CACNA1D: variants seen among roughly 807,000 people sequenced by gnomAD.
The protein encoded by CACNA1D is voltage-dependent L-type calcium channel subunit alpha-1D.
Under a neutral mutation model 257.1 loss-of-function variants are expected in CACNA1D, and 55 were observed. The ratio of observed to expected loss-of-function variants is 0.21; its 90% CI spans 0.17 to 0.27. The LOEUF (loss-of-function observed/expected upper bound fraction) is 0.27. Among genes scored for constraint, CACNA1D ranks in the 10% least tolerant of loss-of-function variants. The pLI, the probability that CACNA1D is intolerant of heterozygous loss-of-function variation, is 1.00. For synonymous variants in CACNA1D, 980 were observed against 1,014.9 expected, an observed-to-expected ratio of 0.97 and a Z score of 0.65; for missense variants, 1,876 against 2,784.0, an observed-to-expected ratio of 0.67 and a Z score of 7.34.
chr3:53,745,875 G>A lies in CACNA1D; in HGVS notation c.3167G>A (p.Arg1056Lys), dbSNP rs2095163699. The A allele has an allele frequency of 1.2e-6, 2 of 1,612,466 alleles. No individual in the cohort carries two copies. The highest frequency in any genetic ancestry group is 1.7e-6 in the Non-Finnish European group (2 of 1,178,470). Residue 1056 changes from arginine to lysine, a missense_variant and splice_region_variant, in exon 25 of 48, where the codon AGG becomes AAG. Arg to Lys is a conservative substitution (Grantham distance 26, BLOSUM62 2). Transcript: ENST00000350061. ...DEAKSNPEECRGLFILYKDGD... is the reference protein window; with the variant it reads ...DEAKSNPEECKGLFILYKDGD... ...GCCAAAAGTAACCCTGAAGAATGCAGGTGAGCGTCCTGAGAGTGGAGTAGG... is the reference window on the plus strand; with the variant it reads ...GCCAAAAGTAACCCTGAAGAATGCAAGTGAGCGTCCTGAGAGTGGAGTAGG...
intron 3 of CACNA1D, among the ~76,000 whole-genome samples, chr3:53,638,238 TAG>T (rs1362118938): frequency 6.6e-6 from 1 of 152,124 alleles, no homozygotes. Flanking sequence ...TAGCAAACCA[TAG>T]AGAGTTTTTC....
At chr3:53,758,196 A>G (rs2095277947) in intron 29 of CACNA1D, among the ~76,000 whole-genome samples, 1 of 152,180 alleles carries the variant, frequency 6.6e-6, no homozygotes, top group Non-Finnish European at 1.5e-5. Flanking sequence ...ACCTTTGGAA[A>G]GGCTTTTGCT....
chr3:53,692,942 C>T (rs2094541286), intron 8 of CACNA1D, among the ~76,000 whole-genome samples: 1 of 152,126 alleles, frequency 6.6e-6, no homozygotes, highest in South Asian at 2.1e-4. Flanking sequence ...CCTGTAATTC[C>T]AGCTGCTTGG....
chr3:53,634,423 G>T (rs998636338), intron 3 of CACNA1D, among the ~76,000 whole-genome samples: 2 of 152,190 alleles, frequency 1.3e-5, no homozygotes, highest in African/African-American at 2.4e-5. Context: ...TTCCATGGTT[G>T]TGATTTCAAG....
intron 3 of CACNA1D, among the ~76,000 whole-genome samples, chr3:53,523,177 G>T (rs917194323): frequency 1.3e-5 from 2 of 152,202 alleles, no homozygotes; most frequent in African/African-American, 4.8e-5. Context: ...GTGAAGTGGG[G>T]CAAGAGGCAG....
chr3:53,775,766 A>C, intron 34 of CACNA1D, 120 bp from the exon 35 acceptor site: 1 of 978,110 alleles, frequency 1.0e-6, no homozygotes, highest in South Asian at 1.3e-5. Context: ...ATTAATTCAA[A>C]TTGGATTTTC....
At position 53,661,254 on chromosome 3, in the gene CACNA1D, AT is replaced by A. The variant is rs371057898; in HGVS notation, c.766+985del. ...AAGCCATCAGAAGAACACAGATCAC[AT>A]TTTTTGCCTCTCCAGAAGTTCTTCA... On this transcript the variant is annotated intron_variant, in intron 5 of 47. Transcript: ENST00000350061. 3.0e-4 allele frequency among the ~76,000 whole-genome samples: 46 copies of A among 152,214 alleles called. 3 individuals carry two copies. In the East Asian group the frequency reaches 4.4e-3, roughly 15 times the overall value.
chr3:53,538,537 G>A (rs2092200572), intron 3 of CACNA1D, among the ~76,000 whole-genome samples: 1 of 152,126 alleles, frequency 6.6e-6, no homozygotes, highest in Non-Finnish European at 1.5e-5. Context: ...ATTTTTAAAA[G>A]TATGATATAT....
intron 7 of CACNA1D, among the ~76,000 whole-genome samples, chr3:53,671,415 A>G (rs1029520872): frequency 1.3e-5 from 2 of 152,238 alleles, no homozygotes; most frequent in African/African-American, 4.8e-5. Flanking sequence ...GCTCTGTCTC[A>G]GGTGCTGACC....
intron 3 of CACNA1D, among the ~76,000 whole-genome samples, chr3:53,532,709 T>TA (rs2091987997): frequency 6.6e-6 from 1 of 152,224 alleles, no homozygotes; most frequent in Non-Finnish European, 1.5e-5. Flanking sequence ...CAAAACCCTT[T>TA]AAATTAGTTG....
chr3:53,798,921 A>T (rs1277894295), intron 40 of CACNA1D, among the ~76,000 whole-genome samples: 1 of 152,128 alleles, frequency 6.6e-6, no homozygotes, highest in Middle Eastern at 3.2e-3. Flanking sequence ...GATGGTCATC[A>T]TGCCTATCTG....
At position 53,704,141 on chromosome 3, in the gene CACNA1D, G is replaced by A. The variant is rs535356592; in HGVS notation, c.1390+1331G>A. ...CTGCCATAGGAAGGGTGGGTGAGGTGCAATTGTGCCTCTTCTGGAGGTTGT... is the reference window on the plus strand; with the variant it reads ...CTGCCATAGGAAGGGTGGGTGAGGTACAATTGTGCCTCTTCTGGAGGTTGT... On this transcript the variant is annotated intron_variant, in intron 9 of 47. Transcript: ENST00000350061. 3.3e-5 allele frequency among the ~76,000 whole-genome samples: 5 copies of A among 152,278 alleles called. No individual in the cohort carries two copies. In the South Asian group the frequency reaches 8.3e-4, roughly 25 times the overall value.
chr3:53,632,705 A>G (rs143805301), intron 3 of CACNA1D, among the ~76,000 whole-genome samples: 2 of 152,324 alleles, frequency 1.3e-5, no homozygotes, highest in African/African-American at 4.8e-5. Flanking sequence ...TAATTGGTCT[A>G]ATTTCAATGT....
intron 29 of CACNA1D, among the ~76,000 whole-genome samples, chr3:53,757,768 C>T (rs541065152): frequency 6.6e-6 from 1 of 152,348 alleles, no homozygotes; most frequent in Non-Finnish European, 1.5e-5. Context: ...GCCCATGCGC[C>T]TCTGTCTAGA....
chr3:53,739,396 C>T (rs180740261), intron 20 of CACNA1D, among the ~76,000 whole-genome samples: 14 of 152,292 alleles, frequency 9.2e-5, no homozygotes, highest in Non-Finnish European at 1.9e-4. Flanking sequence ...AAGGGTGCTA[C>T]GGTCAGAAGC....
intron 3 of CACNA1D, among the ~76,000 whole-genome samples, chr3:53,585,519 T>C (rs1188311425): frequency 6.6e-6 from 1 of 152,212 alleles, no homozygotes; most frequent in Non-Finnish European, 1.5e-5. Flanking sequence ...CTATTTTCAT[T>C]ACAGCATTAT....
intron 3 of CACNA1D, among the ~76,000 whole-genome samples, chr3:53,514,801 A>G (rs1575723877): frequency 6.6e-6 from 1 of 152,168 alleles, no homozygotes; most frequent in East Asian, 1.9e-4. Flanking sequence ...CTCCTGCCAT[A>G]CTAGAAGAGC....
At chr3:53,624,700 A>AC (rs1464103108) in intron 3 of CACNA1D, among the ~76,000 whole-genome samples, 1 of 152,016 alleles carries the variant, frequency 6.6e-6, no homozygotes, top group Non-Finnish European at 1.5e-5. Flanking sequence ...TATATGACGC[A>AC]CCCCCAAATT....
intron 14 of CACNA1D, among the ~76,000 whole-genome samples, chr3:53,725,797 A>T (rs1272611920): frequency 1.3e-5 from 2 of 152,214 alleles, no homozygotes. Context: ...GATCCATAAC[A>T]GTTTAAATTT....
Sources: gnomAD v4.1 joint callset for allele counts (sites outside exome capture counted in the v4.1 genomes callset) on GRCh38, gnomAD v4.1.1 for gene constraint, MANE v1.5 for transcripts, NCBI Gene and HGNC (gene_info 2026-07-23, HGNC 2026-07-21) for gene names.